Variants in C6 observed in about 807,000 individuals in gnomAD.
C6 encodes complement C6.
A neutral mutation model predicts 112.9 loss-of-function variants in C6; 101 were observed. That is an observed-to-expected ratio of 0.89 (90% CI 0.76 to 1.06). The LOEUF is 1.06. Among genes scored for constraint, C6 ranks in the 50% least tolerant of loss-of-function variants. The pLI is 0.00. For synonymous variants in C6, 431 were observed against 384.1 expected (o/e 1.12, Z -1.43); for missense variants, 1,202 against 1,104.6 (o/e 1.09, Z -1.25).
At chr5:41,204,721 G>A (rs1285266209) in intron 1 of C6, among the ~76,000 whole-genome samples, 2 of 141,622 alleles carry the variant, frequency 1.4e-5, no homozygotes, top group Admixed American at 1.5e-4. Context: ...CCAGGCTAGA[G>A]TGCAGTGGTG....
chr5:41,239,364 G>A lies in C6; in HGVS notation c.-21+21830C>T, dbSNP rs754027987. Among the ~76,000 whole-genome samples, 26 of 151,814 alleles carry A rather than the reference G, an allele frequency of 1.7e-4. No individual in the cohort carries two copies. In the South Asian group the frequency reaches 2.1e-3, roughly 12 times the overall value. ...TGACCTCAAGTGATCCACCTGCCTC[G>A]GCCTCCCAAAGTGCTGGGGTTACAG... is the stretch of plus-strand genomic sequence containing the variant. On this transcript the variant is annotated intron_variant, in intron 1 of 17. Coordinates refer to the C6 transcript ENST00000263413.
In C6 at chr5:41,172,229, A is replaced by C. The variant is rs1331358061; in HGVS notation, c.1287T>G (p.His429Gln). Residue 429 changes from histidine to glutamine, a missense_variant, in exon 9 of 18, where the codon CAT becomes CAG. His to Gln is a conservative substitution (Grantham distance 24). Transcript: ENST00000337836. ...RCTTNKLSEKHEGSFIQGAEK... is the reference protein window; with the variant it reads ...RCTTNKLSEKQEGSFIQGAEK... ...GCTAAGAGAGAGTACTGTTACCTTC[A>C]TGTTTCTCTGACAGCTTGTTGGTGG... 3.7e-6 allele frequency: 6 copies of C among 1,613,626 alleles called. No homozygotes were observed. The African/African-American group carries it at 8.0e-5, about 22-fold the overall frequency.
chr5:41,167,857 T>G (rs2150290490), intron 9 of C6, among the ~76,000 whole-genome samples: 1 of 152,260 alleles, frequency 6.6e-6, no homozygotes, highest in African/African-American at 2.4e-5. Context: ...GGGACAATAC[T>G]TCAAGGCAAT....
chr5:41,160,191 A>C lies in C6; in HGVS notation c.1635T>G (p.Ser545Arg). ...TCTCACAGTTCTCACCATAGGTGCC[A>C]CTCTGACACACACACAGACATTCAG... ...SGTECLCVCQ[S>R]GTYGENCEKQ... The change falls in exon 11 of 18, where the codon AGT becomes AGG. Residue 545 changes from serine to arginine, a missense_variant. Coordinates refer to ENST00000337836, the MANE Select transcript of C6 (RefSeq NM_000065.5). 6.2e-7 allele frequency: 1 copy of C among 1,613,884 alleles called. No homozygotes were observed. Among genetic ancestry groups the C allele is most frequent in the Non-Finnish European group, 8.5e-7 (1 of 1,179,826 alleles).
At chr5:41,167,470 G>T (rs1748079224) in intron 9 of C6, among the ~76,000 whole-genome samples, 1 of 152,092 alleles carries the variant, frequency 6.6e-6, no homozygotes. Context: ...CTAAAATATA[G>T]ACTTGATGGA....
chr5:41,185,879 T>G (rs973978881), intron 6 of C6, among the ~76,000 whole-genome samples, 191 bp downstream of exon 6: 2 of 152,212 alleles, frequency 1.3e-5, no homozygotes, highest in African/African-American at 4.8e-5. Flanking sequence ...GTTACCTTAG[T>G]TTTTTCATCT....
At chr5:41,167,819 A>C (rs1308331803) in intron 9 of C6, among the ~76,000 whole-genome samples, 1 of 152,170 alleles carries the variant, frequency 6.6e-6, no homozygotes, top group Non-Finnish European at 1.5e-5. Context: ...GAATGGTGAA[A>C]TCACTGATGC....
intron 1 of C6, among the ~76,000 whole-genome samples, chr5:41,250,119 G>A (rs1004418929): frequency 2.6e-4 from 40 of 152,264 alleles, no homozygotes; most frequent in African/African-American, 9.4e-4. Context: ...TGGTATCGGG[G>A]GAATTTAATA....
rs200523081 is a variant in C6, at chr5:41,160,403, T to A, written c.1459-36A>T. ...ATGGGAGAGAGGAGGTCCAGTCACA[T>A]CCCCTTTGGTAATAGGTTGCCATTA... On this transcript the variant is annotated intron_variant, in intron 10 of 17. Transcript: ENST00000337836. 1.2e-5 allele frequency: 18 copies of A among 1,523,826 alleles called. No homozygotes were observed. In the African/African-American group the frequency reaches 1.6e-4, roughly 14 times the overall value. The allele number at this position is 1,523,826 out of a possible 1,614,324, so 94.4% of individuals were successfully genotyped here.
intron 7 of C6, among the ~76,000 whole-genome samples, chr5:41,180,110 G>A (rs1749205193): frequency 6.6e-6 from 1 of 152,124 alleles, no homozygotes; most frequent in Admixed American, 6.5e-5. Flanking sequence ...GAAATACTTG[G>A]GAAAACTATC....
At chr5:41,261,143 A>G in intron 1 of C6, 1 of 964,446 alleles carries the variant, frequency 1.0e-6, no homozygotes, top group Non-Finnish European at 1.2e-6. Context: ...CACCAACCTC[A>G]TATGCATGCC....
At chr5:41,175,230 G>A (rs148430763) in intron 8 of C6, among the ~76,000 whole-genome samples, 84 of 152,224 alleles carry the variant, frequency 5.5e-4, no homozygotes, top group African/African-American at 1.4e-3. Flanking sequence ...CAACCCTGGC[G>A]ATCAAAGAAG....
chr5:41,247,200 G>GA (rs1291096088), intron 1 of C6, among the ~76,000 whole-genome samples: 8 of 151,460 alleles, frequency 5.3e-5, no homozygotes, highest in Non-Finnish European at 1.0e-4. Context: ...TCAGGCAAAG[G>GA]AAAAAAAATA....
intron 1 of C6, among the ~76,000 whole-genome samples, chr5:41,260,867 A>T (rs1742015052): frequency 6.6e-6 from 1 of 152,190 alleles, no homozygotes; most frequent in South Asian, 2.1e-4. Flanking sequence ...TACTGTGGGT[A>T]AGGAGAAACA....
chr5:41,256,443 TAAAAA>T (rs5867547), intron 1 of C6, among the ~76,000 whole-genome samples: 17 of 122,900 alleles, frequency 1.4e-4, no homozygotes, highest in Admixed American at 3.4e-4. Context: ...AAAAAAAAAG[TAAAAA>T]AAAAAAAAAA....
At chr5:41,223,838 G>A (rs1441484827) in intron 1 of C6, among the ~76,000 whole-genome samples, 1 of 151,892 alleles carries the variant, frequency 6.6e-6, no homozygotes, top group Non-Finnish European at 1.5e-5. Flanking sequence ...TCCTTCTCCA[G>A]TACAGGATCC....
intron 1 of C6, among the ~76,000 whole-genome samples, chr5:41,236,996 C>G (rs190243694): frequency 1.3e-5 from 2 of 151,546 alleles, no homozygotes; most frequent in Non-Finnish European, 2.9e-5. Context: ...ATACATTCCT[C>G]GACACATACA....
At chr5:41,216,464 CT>C (rs944339357), upstream of C6, among the ~76,000 whole-genome samples, 12 of 152,206 alleles carry the variant, frequency 7.9e-5, no homozygotes, top group African/African-American at 2.9e-4. Flanking sequence ...GAGATTTCAT[CT>C]ACTTCCATGG....
At chr5:41,179,640 C>T (rs1749154753) in intron 7 of C6, among the ~76,000 whole-genome samples, 1 of 148,810 alleles carries the variant, frequency 6.7e-6, no homozygotes, top group South Asian at 2.1e-4. Context: ...GGACCCACAG[C>T]CCATTCTAAA....
Sources: gnomAD v4.1 joint callset for allele counts (sites outside exome capture counted in the v4.1 genomes callset) on GRCh38, gnomAD v4.1.1 for gene constraint, MANE v1.5 for transcripts, NCBI Gene and HGNC (gene_info 2026-07-23, HGNC 2026-07-21) for gene names.